Variants in ATP6V0A4 observed in about 807,000 individuals in gnomAD.
ATP6V0A4 encodes V-type proton ATPase 116 kDa subunit a 4.
In ATP6V0A4, 86 loss-of-function variants were observed where a neutral mutation model predicts 107.3. The ratio of observed to expected loss-of-function variants is 0.80; its 90% CI spans 0.67 to 0.96. ATP6V0A4 has a LOEUF of 0.96. Ranked by LOEUF, ATP6V0A4 falls within the 40% of genes least tolerant of loss-of-function variation. The probability of loss-of-function intolerance (pLI) is 0.00; values close to 1 mark genes in which losing one functional copy is unlikely to be tolerated. For synonymous variants in ATP6V0A4, 353 were observed against 381.4 expected (o/e 0.93, Z 0.87); for missense variants, 908 against 1,045.6 (o/e 0.87, Z 1.81).
At chr7:138,778,619 C>A (rs537563554) in intron 2 of ATP6V0A4, among the ~76,000 whole-genome samples, 6 of 152,184 alleles carry the variant, frequency 3.9e-5, no homozygotes, top group South Asian at 4.1e-4. Context: ...AGCAAAAGGA[C>A]CAGGAAAGGG....
chr7:138,792,840 G>C (rs964218549), intron 1 of ATP6V0A4, among the ~76,000 whole-genome samples: 2 of 145,452 alleles, frequency 1.4e-5, no homozygotes, highest in African/African-American at 5.2e-5. Flanking sequence ...TGGTCTCACA[G>C]TCCTGGGCTC....
chr7:138,793,109 C>T (rs1253893453), intron 1 of ATP6V0A4, among the ~76,000 whole-genome samples: 1 of 152,078 alleles, frequency 6.6e-6, no homozygotes, highest in Non-Finnish European at 1.5e-5. Context: ...GCCTGGCCAA[C>T]ATGGTGAAAC....
chr7:138,772,733 C>G (rs1350909152), intron 2 of ATP6V0A4, among the ~76,000 whole-genome samples: 2 of 152,164 alleles, frequency 1.3e-5, no homozygotes, highest in African/African-American at 4.8e-5. Flanking sequence ...GGGAACGGAG[C>G]CCTGGTCATC....
At chr7:138,715,954 A>G in intron 19 of ATP6V0A4, 73 bp from the exon 20 acceptor site, 1 of 1,580,990 alleles carries the variant, frequency 6.3e-7, no homozygotes, top group Non-Finnish European at 8.7e-7. Context: ...TGATGCAAAG[A>G]TGAATAAGAC....
intron 20 of ATP6V0A4, among the ~76,000 whole-genome samples, chr7:138,713,006 T>C (rs1430927133): frequency 6.6e-6 from 1 of 152,002 alleles, no homozygotes; most frequent in Non-Finnish European, 1.5e-5. Context: ...AGTAAAGACA[T>C]GCGGCCGGGC....
intron 18 of ATP6V0A4, among the ~76,000 whole-genome samples, chr7:138,722,944 G>A (rs1478325425): frequency 6.6e-6 from 1 of 150,628 alleles, no homozygotes; most frequent in Non-Finnish European, 1.5e-5. Flanking sequence ...TGTAATCCCA[G>A]CTACTCGGGA....
chr7:138,767,261 G>A (rs541885437), intron 5 of ATP6V0A4, among the ~76,000 whole-genome samples: 4 of 152,250 alleles, frequency 2.6e-5, no homozygotes, highest in East Asian at 3.9e-4. Flanking sequence ...GGTGGCTCAC[G>A]CCTGTAATCC....
intron 1 of ATP6V0A4, among the ~76,000 whole-genome samples, chr7:138,795,497 A>T (rs1196001143): frequency 6.6e-6 from 1 of 152,196 alleles, no homozygotes; most frequent in African/African-American, 2.4e-5. Context: ...ATTCCATAGG[A>T]GGGACAGGCT....
intron 19 of ATP6V0A4, 97 bp from the exon 20 acceptor site, chr7:138,715,978 T>C: frequency 1.3e-6 from 2 of 1,487,106 alleles, no homozygotes; most frequent in Non-Finnish European, 1.9e-6. Context: ...GGCTTTGCTG[T>C]TCAGACACTT....
chr7:138,785,288 T>C (rs925255598), intron 2 of ATP6V0A4, among the ~76,000 whole-genome samples: 13 of 151,498 alleles, frequency 8.6e-5, no homozygotes, highest in Admixed American at 6.6e-4. Flanking sequence ...CTTTTTTTTT[T>C]TTTTTTGAGT....
intron 12 of ATP6V0A4, 128 bp from the exon 13 acceptor site, chr7:138,747,692 C>T: frequency 7.1e-7 from 1 of 1,405,292 alleles, no homozygotes; most frequent in Non-Finnish European, 9.6e-7. Flanking sequence ...TCTTTTCTCA[C>T]CATCCCTACC....
intron 2 of ATP6V0A4, among the ~76,000 whole-genome samples, chr7:138,778,671 G>A (rs1807782687): frequency 1.3e-5 from 2 of 152,118 alleles, no homozygotes; most frequent in African/African-American, 2.4e-5. Flanking sequence ...ATAATCACGC[G>A]AATCCAGTTA....
chr7:138,754,448 CAAAAA>C (rs978640948), intron 10 of ATP6V0A4, among the ~76,000 whole-genome samples: 1 of 73,528 alleles, frequency 1.4e-5, no homozygotes, highest in African/African-American at 4.9e-5. Flanking sequence ...AACTCCATCT[CAAAAA>C]AAAAAAAAAA....
chr7:138,742,900 C>CAA (rs563017805), intron 14 of ATP6V0A4, among the ~76,000 whole-genome samples: 3,999 of 131,606 alleles, frequency 0.03, 182 homozygotes, highest in African/African-American at 0.083. Context: ...AATTGCAAAG[C>CAA]AAAAAAAAAA....
At chr7:138,736,745 A>C (rs760252910) in intron 15 of ATP6V0A4, among the ~76,000 whole-genome samples, 1 of 151,694 alleles carries the variant, frequency 6.6e-6, no homozygotes, top group Non-Finnish European at 1.5e-5. Flanking sequence ...CTAATTTTGT[A>C]TTTTTAGTAG....
chr7:138,747,622 T>C (rs1806022079), intron 12 of ATP6V0A4, 58 bp from the exon 13 acceptor site: 4 of 1,599,112 alleles, frequency 2.5e-6, no homozygotes, highest in Admixed American at 1.7e-5. Flanking sequence ...GGCCCCCACC[T>C]CAGATTCCCT....
chr7:138,780,603 T>C (rs1807874260), intron 2 of ATP6V0A4, among the ~76,000 whole-genome samples: 1 of 152,174 alleles, frequency 6.6e-6, no homozygotes, highest in Admixed American at 6.5e-5. Context: ...TGGAAGTCCA[T>C]GTTGCTGAGC....
intron 15 of ATP6V0A4, among the ~76,000 whole-genome samples, chr7:138,736,231 A>C (rs184215073): frequency 4.6e-5 from 7 of 152,334 alleles, no homozygotes; most frequent in African/African-American, 1.7e-4. Context: ...CAAGAGAGCA[A>C]GACTCTGTCT....
At chr7:138,750,521 TAAC>T (rs1806168380) in intron 11 of ATP6V0A4, among the ~76,000 whole-genome samples, 1 of 152,114 alleles carries the variant, frequency 6.6e-6, no homozygotes. Context: ...ACTCGAGTCT[TAAC>T]AATTCCAAGT....
Sources: allele counts gnomAD v4.1 joint callset (sites outside exome capture counted in the v4.1 genomes callset), GRCh38; gene constraint gnomAD v4.1.1; transcripts MANE v1.5; gene names NCBI Gene and HGNC (gene_info 2026-07-23, HGNC 2026-07-21).